LRMDA: variants seen among roughly 807,000 people sequenced by gnomAD.
LRMDA encodes leucine rich melanocyte differentiation associated.
Under a neutral mutation model 29.8 loss-of-function variants are expected in LRMDA, and 18 were observed. That is an observed-to-expected ratio of 0.60 (90% CI 0.42 to 0.90). LRMDA has a LOEUF of 0.90. Among genes scored for constraint, LRMDA ranks in the 40% least tolerant of loss-of-function variants. LRMDA has a pLI of 0.00. For missense variants in LRMDA, 273 were observed against 273.9 expected, an observed-to-expected ratio of 1.00 and a Z score of 0.02; for synonymous variants, 125 against 109.4, an observed-to-expected ratio of 1.14 and a Z score of -0.89.
chr10:75,896,766 G>C (rs538463065), intron 2 of LRMDA, among the ~76,000 whole-genome samples: 173 of 152,094 alleles, frequency 1.1e-3, no homozygotes, highest in Non-Finnish European at 1.6e-3. Flanking sequence ...TCTCTTACTT[G>C]GGACCTGTAC....
At chr10:76,326,333 G>C (rs1317033196) in intron 6 of LRMDA, among the ~76,000 whole-genome samples, 1 of 152,160 alleles carries the variant, frequency 6.6e-6, no homozygotes, top group East Asian at 1.9e-4. Context: ...TTATTTTTTG[G>C]CACTAAAATG....
chr10:75,494,520 T>TTTTTTTTTTTTTTTTTTTTTTTC (rs1220031764), intron 2 of LRMDA, among the ~76,000 whole-genome samples: 1 of 144,022 alleles, frequency 6.9e-6, no homozygotes, highest in Admixed American at 6.9e-5. Context: ...TGTTCCTTTT[T>TTTTTTTTTTTTTTTTTTTTTTTC]TTTTTTTTTT....
At chr10:76,504,506 C>T (rs1842940949) in intron 6 of LRMDA, among the ~76,000 whole-genome samples, 1 of 152,026 alleles carries the variant, frequency 6.6e-6, no homozygotes, top group Non-Finnish European at 1.5e-5. Context: ...ATGTTGGGTA[C>T]ATATATGTTT....
At chr10:75,446,498 G>A (rs574652462) in intron 2 of LRMDA, among the ~76,000 whole-genome samples, 15 of 152,282 alleles carry the variant, frequency 9.9e-5, no homozygotes, top group Middle Eastern at 6.8e-3. Flanking sequence ...ATATCTCAGC[G>A]TTCTTTGGTA....
chr10:76,157,938 G>A (rs375672742), intron 5 of LRMDA, among the ~76,000 whole-genome samples: 3 of 151,868 alleles, frequency 2.0e-5, no homozygotes, highest in Non-Finnish European at 4.4e-5. Flanking sequence ...ACAGAATACT[G>A]TAGGCAGTTG....
intron 5 of LRMDA, among the ~76,000 whole-genome samples, chr10:76,104,812 G>A (rs1849454071): frequency 6.6e-6 from 1 of 151,956 alleles, no homozygotes; most frequent in Admixed American, 6.5e-5. Context: ...CCCCCCTCTG[G>A]CTGCCATCTC....
intron 6 of LRMDA, among the ~76,000 whole-genome samples, chr10:76,457,391 G>A (rs757118576): frequency 2.6e-5 from 4 of 152,156 alleles, no homozygotes; most frequent in Admixed American, 1.3e-4. Flanking sequence ...TGAGTTGCCC[G>A]ATGTGCATGT....
At chr10:76,509,400 A>G (rs889251662) in intron 6 of LRMDA, among the ~76,000 whole-genome samples, 3 of 152,208 alleles carry the variant, frequency 2.0e-5, no homozygotes, top group Non-Finnish European at 2.9e-5. Context: ...CCAGGCTCAC[A>G]TTTCAAAACA....
chr10:76,402,495 G>A lies in LRMDA; in HGVS notation c.601+78010G>A, dbSNP rs1363575321. Among the ~76,000 whole-genome samples the A allele has an allele frequency of 3.9e-5, 6 of 152,206 alleles. No homozygotes were observed. In the South Asian group the frequency reaches 1.0e-3, roughly 26 times the overall value. ...GCCTTCTGAGTAGCTGGGACTACAGGCGTGTGTCACCACTCCTGGCTAATT... is the reference window on the plus strand; with the variant it reads ...GCCTTCTGAGTAGCTGGGACTACAGACGTGTGTCACCACTCCTGGCTAATT... On this transcript the variant is annotated intron_variant, in intron 6 of 6. Transcript: ENST00000611255.
chr10:76,404,503 C>T (rs1400930296), intron 6 of LRMDA, among the ~76,000 whole-genome samples: 3 of 152,202 alleles, frequency 2.0e-5, no homozygotes, highest in African/African-American at 7.2e-5. Flanking sequence ...TCTCTGCCCT[C>T]ATCTGCCCCT....
chr10:76,477,871 C>T (rs1842692799), intron 6 of LRMDA, among the ~76,000 whole-genome samples: 1 of 152,148 alleles, frequency 6.6e-6, no homozygotes, highest in South Asian at 2.1e-4. Context: ...GAAACTGGAT[C>T]CTTTCCTTAC....
At chr10:76,028,737 T>C (rs1346899416) in intron 2 of LRMDA, among the ~76,000 whole-genome samples, 1 of 152,130 alleles carries the variant, frequency 6.6e-6, no homozygotes, top group East Asian at 1.9e-4. Flanking sequence ...GTTATGACTC[T>C]ACTTCTACCT....
chr10:75,747,820 G>A lies in LRMDA; in HGVS notation c.132-288188G>A, dbSNP rs151313177. On this transcript the variant is annotated intron_variant, in intron 2 of 6. Transcript: ENST00000611255. Reference sequence around the variant, plus strand: ...ATGGTAGGTTTTCAGAGTCCCAATCGAGTGTCCCCTCTTCTACACTAGATT... The same window carrying A: ...ATGGTAGGTTTTCAGAGTCCCAATCAAGTGTCCCCTCTTCTACACTAGATT... Among the ~76,000 whole-genome samples, 758 of 151,234 alleles carry A rather than the reference G, an allele frequency of 5.0e-3. 8 individuals carry two copies. The highest frequency in any genetic ancestry group is 0.017 in the African/African-American group (712 of 41,162).
intron 2 of LRMDA, among the ~76,000 whole-genome samples, chr10:75,824,978 A>C (rs1909694): frequency 0.13 from 20,444 of 152,266 alleles, 1,820 homozygotes; most frequent in Non-Finnish European, 0.2. Flanking sequence ...TAGACCCAAG[A>C]GGTTTCATCA....
rs536045171 is a variant in LRMDA at position 75,470,151 on chromosome 10, C to T, written c.131+31657C>T. On this transcript the variant is annotated intron_variant, in intron 2 of 6. Coordinates refer to ENST00000611255, the MANE Select transcript of LRMDA (RefSeq NM_001305581.2). ...CCCTTTTGTATTAGGGTTGAGTTGC[C>T]AGAATAAGTTCTGCCTACGTTGCAT... 4.4e-4 allele frequency among the ~76,000 whole-genome samples: 67 copies of T among 152,240 alleles called. No individual in the cohort carries two copies. The Middle Eastern group carries it at 0.017, about 39-fold the overall frequency.
intron 2 of LRMDA, among the ~76,000 whole-genome samples, chr10:75,998,421 ACTT>A (rs1412089548): frequency 6.6e-6 from 1 of 152,050 alleles, no homozygotes; most frequent in South Asian, 2.1e-4. Flanking sequence ...TATTCTTGCT[ACTT>A]GTAAGTTCCC....
intron 6 of LRMDA, among the ~76,000 whole-genome samples, chr10:76,365,067 T>TACACAC (rs1300218051): frequency 7.5e-5 from 3 of 39,860 alleles, no homozygotes; most frequent in Non-Finnish European, 1.5e-4. Flanking sequence ...CCATCGTATA[T>TACACAC]ATATACACAC....
At chr10:76,083,833 CAAA>C (rs71024585) in intron 5 of LRMDA, among the ~76,000 whole-genome samples, 4 of 116,962 alleles carry the variant, frequency 3.4e-5, no homozygotes, top group Non-Finnish European at 1.7e-5. Flanking sequence ...GACTGCATCT[CAAA>C]AAAAAAAAAA....
chr10:75,763,698 A>AT lies in LRMDA; in HGVS notation c.132-272294dup, dbSNP rs58980040. On this transcript the variant is annotated intron_variant, in intron 2 of 6. Transcript: ENST00000611255. ...GTTCTAGCTATTTCAAATCAGGACA[A>AT]TTTTTTTTTTTTTTTTGGCAGGTGT... Among the ~76,000 whole-genome samples the AT allele has an allele frequency of 3.7e-3, 531 of 141,860 alleles. 2 individuals carry two copies. The highest frequency in any genetic ancestry group is 9.8e-3 in the Admixed American group (139 of 14,130). 93.1% of individuals were successfully genotyped at this position (141,860 alleles called of 152,430 possible). A position where few individuals can be genotyped will look rare whatever the true frequency, so the allele number is the denominator to read the frequency against.
Sources: gnomAD v4.1 joint callset for allele counts (sites outside exome capture counted in the v4.1 genomes callset) on GRCh38, gnomAD v4.1.1 for gene constraint, MANE v1.5 for transcripts, NCBI Gene and HGNC (gene_info 2026-07-23, HGNC 2026-07-21) for gene names.